The following CHRNA5 variants were observed in gnomAD, a reference collection of about 807,000 sequenced individuals.
The protein encoded by CHRNA5 is cholinergic receptor nicotinic alpha 5 subunit.
CHRNA5 carries 28 observed loss-of-function variants against 41.2 expected under a neutral mutation model. The ratio of observed to expected loss-of-function variants is 0.68; its 90% CI spans 0.50 to 0.93. The LOEUF is 0.93. CHRNA5 is among the 40% of genes least tolerant of loss of function. The pLI is 0.00. For synonymous variants in CHRNA5, 188 were observed against 205.8 expected (o/e 0.91, Z 0.74); for missense variants, 481 against 581.9 (o/e 0.83, Z 1.78).
intron 1 of CHRNA5, among the ~76,000 whole-genome samples, chr15:78,574,373 G>A (rs1451602000): frequency 5.6e-5 from 6 of 106,736 alleles, no homozygotes; most frequent in East Asian, 3.5e-4. Flanking sequence ...GGAGCTAAAC[G>A]CTGTCTCAAA....
At chr15:78,591,022 A>C in intron 5 of CHRNA5, 1 of 191,816 alleles carries the variant, frequency 5.2e-6, no homozygotes, top group African/African-American at 2.4e-5. Context: ...CTTTGTTTCT[A>C]AATTGTGATA....
intron 3 of CHRNA5, 40 bp downstream of exon 3, chr15:78,586,729 T>C: frequency 3.6e-6 from 5 of 1,387,974 alleles, no homozygotes; most frequent in Admixed American, 1.8e-5. Context: ...AATTAGTGAC[T>C]GGGACACCTA....
At chr15:78,573,159 C>T (rs931700727) in intron 1 of CHRNA5, among the ~76,000 whole-genome samples, 27 of 152,154 alleles carry the variant, frequency 1.8e-4, no homozygotes, top group Non-Finnish European at 2.9e-4. Context: ...TCATGTGGGG[C>T]GGTGGTATGT....
chr15:78,581,177 T>G (rs2052910680), intron 2 of CHRNA5, among the ~76,000 whole-genome samples: 1 of 152,394 alleles, frequency 6.6e-6, no homozygotes, highest in South Asian at 2.1e-4. Context: ...TTATCTCAAT[T>G]TGGTAATTAT....
chr15:78,594,012 CT>C, exon 6 of CHRNA5: 1 of 152,212 alleles, frequency 6.6e-6, no homozygotes, highest in East Asian at 1.9e-4. Flanking sequence ...GCACTCCAGC[CT>C]GGGCAACAAG....
Position 78,586,690 on chromosome 15 carries a change from G to T in CHRNA5, c.303+1G>T. 6.2e-7 allele frequency: 1 copy of T among 1,602,556 alleles called. No homozygotes were observed. The highest frequency in any genetic ancestry group is 1.1e-5 in the South Asian group (1 of 87,940). On this transcript the variant is annotated splice_donor_variant, in intron 3 of 5. Coordinates refer to ENST00000299565, the Ensembl canonical transcript of CHRNA5. LOFTEE classifies it high-confidence loss of function. ...GACAACAAACGTCTGGTTGAAACAG[G>T]TATGTGTGTAAAATTCAAACGGGCA...
At chr15:78,590,861 C>T (rs2053006798) in intron 5 of CHRNA5, 1 of 522,856 alleles carries the variant, frequency 1.9e-6, no homozygotes, top group Non-Finnish European at 3.4e-6. Flanking sequence ...TCTCCACTTC[C>T]CCCATCAGCA....
intron 1 of CHRNA5, among the ~76,000 whole-genome samples, chr15:78,571,268 C>A (rs775479832): frequency 1.3e-4 from 20 of 152,106 alleles, no homozygotes; most frequent in African/African-American, 4.6e-4. Flanking sequence ...GAATTGTAGC[C>A]CAAACAATGT....
intron 1 of CHRNA5, 137 bp downstream of exon 1, chr15:78,565,962 A>C (rs1175539807): frequency 8.1e-6 from 3 of 369,892 alleles, no homozygotes; most frequent in Non-Finnish European, 1.4e-5. Flanking sequence ...GGGGGCTTGG[A>C]GTGAGGTTTC....
In CHRNA5 at chr15:78,588,407, A is replaced by G; in HGVS notation, c.397A>G (p.Ile133Val). 6.6e-7 allele frequency: 1 copy of G among 1,524,492 alleles called. No individual in the cohort carries two copies. The highest frequency in any genetic ancestry group is 8.9e-7 in the Non-Finnish European group (1 of 1,123,496). 94.4% of individuals were successfully genotyped at this position (1,524,492 alleles called of 1,614,324 possible). ...TTCAGACTCTGTCTGGACACCAGAC[A>G]TCGTTTTGTTTGATAAGTAAGTTAT... The change falls in exon 4 of 6, where the codon ATC (isoleucine) becomes GTC (valine). Residue 133 changes from isoleucine (I) to valine (V), a missense_variant. Coordinates refer to ENST00000299565, the Ensembl canonical transcript of CHRNA5. The surrounding 1 kb of genome is among the most constrained non-coding windows in gnomAD (Gnocchi z 4.1).
At chr15:78,592,545 C>T (rs2053028009) in intron 5 of CHRNA5, among the ~76,000 whole-genome samples, 1 of 152,138 alleles carries the variant, frequency 6.6e-6, no homozygotes, top group African/African-American at 2.4e-5. Context: ...GCTGCTGAGC[C>T]AGCTCCCTAC....
intron 1 of CHRNA5, among the ~76,000 whole-genome samples, chr15:78,574,076 G>C (rs2052833047): frequency 6.8e-6 from 1 of 147,054 alleles, no homozygotes; most frequent in African/African-American, 2.5e-5. Flanking sequence ...GCCTCCCAAA[G>C]TGCTGGGATT....
chr15:78,567,263 A>AAAAAG lies in CHRNA5; in HGVS notation c.106+1452_106+1456dup, dbSNP rs577626090. 4.1e-5 allele frequency among the ~76,000 whole-genome samples: 6 copies of AAAAAG among 147,036 alleles called. No homozygotes were observed. The East Asian group carries it at 5.9e-4, about 15-fold the overall frequency. ...GCGAGACTCCGTCTCAAAAAAAAAA[A>AAAAAG]AAAAGAAAAGAAAAGAAATGGGGGT... On this transcript the variant is annotated intron_variant, in intron 1 of 5. Transcript: ENST00000299565.
intron 5 of CHRNA5, 147 bp from the exon 6 acceptor site, chr15:78,592,945 C>G: frequency 1.2e-6 from 1 of 863,624 alleles, no homozygotes; most frequent in Non-Finnish European, 1.7e-6. Context: ...GTGTCTGTCC[C>G]TGAGCTGAGT....
At chr15:78,576,153 G>T (rs2052854597) in intron 1 of CHRNA5, among the ~76,000 whole-genome samples, 2 of 151,822 alleles carry the variant, frequency 1.3e-5, no homozygotes, top group African/African-American at 2.4e-5. Context: ...TTTTTTTTTT[G>T]TTGTTGTTTT....
At chr15:78,589,276 T>C (rs17408276) in intron 4 of CHRNA5, 41,932 of 152,332 alleles carry the variant, frequency 0.28, 6,721 homozygotes, top group Non-Finnish European at 0.37. Context: ...TTTCCTAGTA[T>C]ATGGATTCTA....
chr15:78,589,922 C>T, exon 5 of CHRNA5: 3 of 1,614,142 alleles, frequency 1.9e-6, no homozygotes, highest in Non-Finnish European at 2.5e-6. Flanking sequence ...TCACGTTTTT[C>T]CCATTTGACC....
intron 2 of CHRNA5, 52 bp downstream of exon 2, chr15:78,581,014 C>T (rs1011630092): frequency 3.0e-5 from 47 of 1,563,576 alleles, no homozygotes; most frequent in Middle Eastern, 1.7e-4. Context: ...TAGTGAGAGC[C>T]TGGTGTGTGC....
chr15:78,590,800 C>G lies in CHRNA5; in HGVS notation c.1245+164C>G, dbSNP rs912282140. ...TTTCTATAAAAGATCTTTACTAAGG[C>G]TTGTTTCAGTTAAAGCACCTGCAAA... is the stretch of plus-strand genomic sequence containing the variant. On this transcript the variant is annotated intron_variant, in intron 5 of 5. Coordinates refer to ENST00000299565, the Ensembl canonical transcript of CHRNA5. 3 of 628,730 alleles carry G rather than the reference C, an allele frequency of 4.8e-6. No homozygotes were observed. The African/African-American group carries it at 5.5e-5, about 12-fold the overall frequency. 38.9% of individuals were successfully genotyped at this position (628,730 alleles called of 1,614,324 possible). A position where few individuals can be genotyped will look rare whatever the true frequency, so the allele number is the denominator to read the frequency against.
Sources: gnomAD v4.1 joint callset for allele counts (sites outside exome capture counted in the v4.1 genomes callset) on GRCh38, gnomAD v4.1.1 for gene constraint, Gnocchi (gnomAD v3.1) non-coding constraint, MANE v1.5 for transcripts, NCBI Gene and HGNC (gene_info 2026-07-23, HGNC 2026-07-21) for gene names.